The following LEMD3 variants were observed in gnomAD, a reference collection of about 807,000 sequenced individuals.
LEMD3 encodes LEM domain containing 3.
LEMD3 carries 33 observed loss-of-function variants against 95.2 expected under a neutral mutation model. The ratio of observed to expected loss-of-function variants is 0.35; its 90% CI spans 0.26 to 0.46. LEMD3 has a LOEUF of 0.46. Among genes scored for constraint, LEMD3 ranks in the 20% least tolerant of loss-of-function variants. The pLI is 1.00. For synonymous variants in LEMD3, 525 were observed against 474.6 expected, an observed-to-expected ratio of 1.11 and a Z score of -1.38; for missense variants, 1,210 against 1,192.8, an observed-to-expected ratio of 1.01 and a Z score of -0.21.
intron 10 of LEMD3, among the ~76,000 whole-genome samples, chr12:65,243,707 T>C (rs917045396): frequency 6.6e-6 from 1 of 152,226 alleles, no homozygotes; most frequent in Non-Finnish European, 1.5e-5. Context: ...TGAATCGTCA[T>C]AGCAGATAGA....
At position 65,246,351 on chromosome 12, in the gene LEMD3, T is replaced by G. The variant is rs1481476709; in HGVS notation, c.*26T>G. 9 of 1,579,986 alleles carry G rather than the reference T, an allele frequency of 5.7e-6. No individual in the cohort carries two copies. The Admixed American group carries it at 1.5e-4, about 26-fold the overall frequency. On this transcript the variant is annotated 3_prime_UTR_variant, in exon 13 of 13. Transcript: ENST00000308330. ...AAAGATTTTCTTCCATTTCTAAGAC[T>G]GTTATTTACAATAGGAAAATTCCTG...
At chr12:65,232,987 G>A (rs546536848) in intron 4 of LEMD3, among the ~76,000 whole-genome samples, 1 of 152,122 alleles carries the variant, frequency 6.6e-6, no homozygotes, top group South Asian at 2.1e-4. Context: ...AGTCTGTGTG[G>A]AAAAATGAGT....
intron 2 of LEMD3, among the ~76,000 whole-genome samples, chr12:65,214,395 G>T (rs1234795647): frequency 6.6e-6 from 1 of 152,046 alleles, no homozygotes; most frequent in Non-Finnish European, 1.5e-5. Flanking sequence ...TAAAATTGAG[G>T]CAAAAATATA....
In LEMD3 at chr12:65,239,910, A is replaced by G. The variant is rs764955492; in HGVS notation, c.1922-19A>G. The G allele has an allele frequency of 4.0e-6, 6 of 1,499,654 alleles. No individual in the cohort carries two copies. The highest frequency in any genetic ancestry group is 1.4e-5 in the African/African-American group (1 of 72,556). 92.9% of individuals were successfully genotyped at this position (1,499,654 alleles called of 1,614,324 possible). A position where few individuals can be genotyped will look rare whatever the true frequency, so the allele number is the denominator to read the frequency against. On this transcript the variant is annotated intron_variant, in intron 6 of 12. Coordinates refer to ENST00000308330, the MANE Select transcript of LEMD3 (RefSeq NM_014319.5). ...TATTGACCACAATTTTTAAAATACAAAGTATATTAATATTACAGGTGTAGT... is the reference window on the plus strand; with the variant it reads ...TATTGACCACAATTTTTAAAATACAGAGTATATTAATATTACAGGTGTAGT...
chr12:65,194,893 A>AT lies in LEMD3; in HGVS notation c.1523-16033_1523-16032insT, dbSNP rs1592438542. 7.0e-3 allele frequency among the ~76,000 whole-genome samples: 261 copies of AT among 37,408 alleles called. 1 individual carries two copies. The highest frequency in any genetic ancestry group is 0.035 in the African/African-American group (122 of 3,466). 24.5% of individuals were successfully genotyped at this position (37,408 alleles called of 152,430 possible). Reference sequence around the variant, plus strand: ...AATTTAGATTATAATTTATAAAATTAAAATAAAATAATTATTAAATTATTA... The same window carrying AT: ...AATTTAGATTATAATTTATAAAATTATAAATAAAATAATTATTAAATTATTA... On this transcript the variant is annotated intron_variant, in intron 1 of 12. Coordinates refer to ENST00000308330, the MANE Select transcript of LEMD3 (RefSeq NM_014319.5).
chr12:65,170,723 A>G lies in LEMD3; in HGVS notation c.1127A>G (p.Asp376Gly). ...PLLPPPLTDM[D>G]STLDSSTGSL... ...CTGCCCCCGCCACTTACTGACATGGACTCAACCTTGGATTCGTCAACAGGC... is the reference window on the plus strand; with the variant it reads ...CTGCCCCCGCCACTTACTGACATGGGCTCAACCTTGGATTCGTCAACAGGC... Residue 376 changes from aspartate to glycine, a missense_variant, in exon 1 of 13, where the codon GAC becomes GGC. Asp to Gly is a moderately conservative substitution (Grantham distance 94). Coordinates refer to ENST00000308330, the MANE Select transcript of LEMD3 (RefSeq NM_014319.5). The G allele has an allele frequency of 1.2e-6, 2 of 1,614,156 alleles. No individual in the cohort carries two copies. The highest frequency in any genetic ancestry group is 1.7e-6 in the Non-Finnish European group (2 of 1,180,032).
chr12:65,244,395 G>C lies in LEMD3; in HGVS notation c.2387+926G>C, dbSNP rs535850026. 2.6e-5 allele frequency among the ~76,000 whole-genome samples: 4 copies of C among 151,558 alleles called. No homozygotes were observed. The South Asian group carries it at 6.2e-4, about 24-fold the overall frequency. On this transcript the variant is annotated intron_variant, in intron 10 of 12. Transcript: ENST00000308330. ...AATCTTACCTCATGCCTTAGGAATT[G>C]GCAAGTCCACTATTTTATTACCTAA...
intron 1 of LEMD3, among the ~76,000 whole-genome samples, chr12:65,199,547 T>A (rs1869531079): frequency 6.6e-6 from 1 of 152,124 alleles, no homozygotes; most frequent in African/African-American, 2.4e-5. Flanking sequence ...AAATCTTATT[T>A]CTAATGTAAA....
At chr12:65,194,703 C>T (rs1020932251) in intron 1 of LEMD3, among the ~76,000 whole-genome samples, 1 of 151,334 alleles carries the variant, frequency 6.6e-6, no homozygotes, top group South Asian at 2.1e-4. Context: ...ATATCTATAC[C>T]TTAGCAGAAT....
chr12:65,170,524 G>C lies in LEMD3; in HGVS notation c.928G>C (p.Val310Leu), dbSNP rs772145338. Residue 310 changes from valine (V) to leucine (L), a missense_variant, in exon 1 of 13, where the codon GTT becomes CTT. Val to Leu is a conservative substitution (Grantham distance 32, BLOSUM62 1). Transcript: ENST00000308330. ...GGCCGGCGGCAGGCTGGAGACTTCA[G>C]TTCAGGGAGGGGGAGGACTCGCGAT... is the stretch of plus-strand genomic sequence containing the variant. ...KSAGGRLETS[V>L]QGGGGLAMND... The C allele has an allele frequency of 3.1e-6, 5 of 1,614,030 alleles. No individual in the cohort carries two copies. Among genetic ancestry groups the C allele is most frequent in the African/African-American group, 1.3e-5 (1 of 74,936 alleles).
intron 1 of LEMD3, among the ~76,000 whole-genome samples, chr12:65,195,937 C>G (rs1407794855): frequency 3.3e-5 from 5 of 152,110 alleles, no homozygotes; most frequent in African/African-American, 1.2e-4. Flanking sequence ...CTAGAAGGAT[C>G]AAGAAGTCCT....
intron 1 of LEMD3, among the ~76,000 whole-genome samples, chr12:65,184,515 TTA>T (rs1337504775): frequency 6.6e-6 from 1 of 152,182 alleles, no homozygotes; most frequent in Non-Finnish European, 1.5e-5. Flanking sequence ...GTGTTTTCTC[TTA>T]TACTTTTTCA....
intron 4 of LEMD3, among the ~76,000 whole-genome samples, chr12:65,222,886 G>A (rs1870335039): frequency 6.6e-6 from 1 of 151,320 alleles, no homozygotes. Context: ...TTTGATTTCT[G>A]CTTTGATCCA....
At chr12:65,175,902 C>T (rs879862895) in intron 1 of LEMD3, among the ~76,000 whole-genome samples, 2 of 152,160 alleles carry the variant, frequency 1.3e-5, no homozygotes, top group Non-Finnish European at 2.9e-5. Context: ...CTTCCATCCA[C>T]CCAGACAGAG....
intron 3 of LEMD3, among the ~76,000 whole-genome samples, chr12:65,217,504 G>C (rs1185708499): frequency 1.3e-5 from 2 of 152,072 alleles, no homozygotes; most frequent in African/African-American, 4.8e-5. Flanking sequence ...TGAGAACATG[G>C]CTGCTTTTAT....
chr12:65,199,389 A>G (rs964353044), intron 1 of LEMD3, among the ~76,000 whole-genome samples: 2 of 152,170 alleles, frequency 1.3e-5, no homozygotes, highest in African/African-American at 4.8e-5. Flanking sequence ...AATCATTGAC[A>G]GATGAATCAC....
At chr12:65,245,481 G>A in intron 10 of LEMD3, 188 bp from the exon 11 acceptor site, 1 of 576,558 alleles carries the variant, frequency 1.7e-6, no homozygotes, top group Non-Finnish European at 3.1e-6. Context: ...GGAGGGCTGA[G>A]ACTTCTGAAT....
chr12:65,227,863 A>G (rs928625689), intron 4 of LEMD3, among the ~76,000 whole-genome samples: 3 of 149,074 alleles, frequency 2.0e-5, no homozygotes, highest in African/African-American at 7.4e-5. Flanking sequence ...ATAATAAGGA[A>G]AAAAAAAAAG....
Position 65,215,984 on chromosome 12 carries a change from A to G in LEMD3, c.1568A>G (p.Glu523Gly). Reference protein sequence around the residue: ...GETFGKIQESEKTLMMNTLYK... With the variant: ...GETFGKIQESGKTLMMNTLYK... Reference sequence around the variant, plus strand: ...AACTTCTCTTAATTTTAGGAAAGTGAAAAAACTCTTATGATGAACACATTA... The same window carrying G: ...AACTTCTCTTAATTTTAGGAAAGTGGAAAAACTCTTATGATGAACACATTA... Residue 523 changes from glutamate (E) to glycine (G), a missense_variant, in exon 3 of 13, where the codon GAA becomes GGA. This residue lies in a region of LEMD3 where 461 missense variants were observed against 569.8 expected (regional missense o/e 0.81). Transcript: ENST00000308330. The G allele has an allele frequency of 6.6e-7, 1 of 1,525,354 alleles. No homozygotes were observed. Among genetic ancestry groups the G allele is most frequent in the Non-Finnish European group, 9.0e-7 (1 of 1,114,636 alleles). 94.5% of individuals were successfully genotyped at this position (1,525,354 alleles called of 1,614,324 possible). A position where few individuals can be genotyped will look rare whatever the true frequency, so the allele number is the denominator to read the frequency against.
Sources: gnomAD v4.1 joint callset for allele counts (sites outside exome capture counted in the v4.1 genomes callset) on GRCh38, gnomAD v4.1.1 for gene constraint, gnomAD v4.1.1 regional missense constraint, MANE v1.5 for transcripts, NCBI Gene and HGNC (gene_info 2026-07-23, HGNC 2026-07-21) for gene names.